The following CCSER1 variants were observed in gnomAD, a reference collection of about 807,000 sequenced individuals.
CCSER1 encodes the protein coiled-coil serine rich protein 1.
In CCSER1, 41 loss-of-function variants were observed where a neutral mutation model predicts 82.0. The ratio of observed to expected loss-of-function variants is 0.50; its 90% CI spans 0.39 to 0.65. The LOEUF is 0.65. Among genes scored for constraint, CCSER1 ranks in the 30% least tolerant of loss-of-function variants. The probability of loss-of-function intolerance (pLI) is 0.00; values close to 1 mark genes in which losing one functional copy is unlikely to be tolerated. For synonymous variants in CCSER1, 414 were observed against 383.9 expected, an observed-to-expected ratio of 1.08 and a Z score of -0.92; for missense variants, 1,119 against 1,064.2, an observed-to-expected ratio of 1.05 and a Z score of -0.72.
At chr4:90,998,360 G>T (rs28542589) in intron 9 of CCSER1, among the ~76,000 whole-genome samples, 3,412 of 152,168 alleles carry the variant, frequency 0.022, 111 homozygotes, top group African/African-American at 0.078. Flanking sequence ...GATTACAGGC[G>T]TGAGCCACTG....
intron 6 of CCSER1, among the ~76,000 whole-genome samples, chr4:90,721,271 A>T (rs951154348): frequency 1.3e-5 from 2 of 151,876 alleles, no homozygotes; most frequent in African/African-American, 2.4e-5. Flanking sequence ...TGAAAGAAGC[A>T]GTTTGTCTGT....
chr4:90,958,197 A>G (rs974013811), intron 9 of CCSER1, among the ~76,000 whole-genome samples: 3 of 152,206 alleles, frequency 2.0e-5, no homozygotes, highest in Non-Finnish European at 2.9e-5. Flanking sequence ...TCAGAAAACT[A>G]TGATCTTATA....
chr4:90,860,837 A>G (rs1277496605), intron 8 of CCSER1, among the ~76,000 whole-genome samples: 1 of 151,690 alleles, frequency 6.6e-6, no homozygotes, highest in African/African-American at 2.4e-5. Context: ...AAAGTAGATT[A>G]GTGCTTGTCA....
intron 10 of CCSER1, among the ~76,000 whole-genome samples, chr4:91,155,436 TG>T (rs1389783818): frequency 2.0e-5 from 3 of 151,902 alleles, no homozygotes; most frequent in Non-Finnish European, 2.9e-5. Flanking sequence ...AATTACCCAG[TG>T]TTGAGTATGT....
intron 7 of CCSER1, chr4:90,780,341 T>C: frequency 8.3e-7 from 1 of 1,209,502 alleles, no homozygotes. Flanking sequence ...AAATTATCTT[T>C]AAGAACATTT....
chr4:90,209,532 G>A (rs1739543350), intron 1 of CCSER1, among the ~76,000 whole-genome samples: 1 of 152,086 alleles, frequency 6.6e-6, no homozygotes, highest in Non-Finnish European at 1.5e-5. Context: ...TACCAGAGGG[G>A]CCCATGACCT....
chr4:91,037,668 A>G lies in CCSER1; in HGVS notation c.2173-48282A>G, dbSNP rs145304910. Among the ~76,000 whole-genome samples the G allele has an allele frequency of 3.1e-3, 468 of 152,192 alleles. 1 individual carries two copies. The highest frequency in any genetic ancestry group is 0.01 in the African/African-American group (436 of 41,536). On this transcript the variant is annotated intron_variant, in intron 9 of 10. Coordinates refer to ENST00000509176, the MANE Select transcript of CCSER1 (RefSeq NM_001145065.2). ...TTCTGTGATGTTTTTTGTATTTGCC[A>G]TAAAAATGAAAGAAAGATAACTCCA... is the stretch of plus-strand genomic sequence containing the variant.
chr4:90,304,783 A>T (rs1041736009), intron 1 of CCSER1, among the ~76,000 whole-genome samples: 1 of 152,170 alleles, frequency 6.6e-6, no homozygotes, highest in African/African-American at 2.4e-5. Flanking sequence ...ATGTACCCTA[A>T]AACTTAAAGT....
intron 1 of CCSER1, among the ~76,000 whole-genome samples, chr4:90,136,404 A>T (rs534196022): frequency 9.2e-5 from 14 of 152,314 alleles, no homozygotes; most frequent in African/African-American, 2.9e-4. Context: ...TACTACTCTA[A>T]TTCAGCCTTT....
chr4:90,882,389 G>A (rs1721463446), intron 8 of CCSER1, among the ~76,000 whole-genome samples: 2 of 151,892 alleles, frequency 1.3e-5, no homozygotes, highest in Admixed American at 6.6e-5. Context: ...TGGTTTGCAA[G>A]CAGAACATAG....
chr4:90,536,217 A>G (rs1201269742), intron 5 of CCSER1, among the ~76,000 whole-genome samples: 1 of 151,966 alleles, frequency 6.6e-6, no homozygotes, highest in Non-Finnish European at 1.5e-5. Flanking sequence ...TATTTTTAGT[A>G]GAGATGGGGT....
In CCSER1 at chr4:90,745,103, A is replaced by G. The variant is rs182597935; in HGVS notation, c.2010+21112A>G. Among the ~76,000 whole-genome samples the G allele has an allele frequency of 2.9e-3, 439 of 152,196 alleles. 1 individual carries two copies. The highest frequency in any genetic ancestry group is 9.8e-3 in the African/African-American group (406 of 41,526). ...CAACTCTGGAAGTCAGAAGTCAGCA[A>G]TGGGTCTCATGGAAAGAAAATCAAT... On this transcript the variant is annotated intron_variant, in intron 7 of 10. Coordinates refer to ENST00000509176, the MANE Select transcript of CCSER1 (RefSeq NM_001145065.2).
intron 10 of CCSER1, among the ~76,000 whole-genome samples, chr4:91,251,560 T>G (rs781437667): frequency 3.3e-5 from 5 of 152,190 alleles, no homozygotes; most frequent in Non-Finnish European, 7.3e-5. Flanking sequence ...GGCATATATA[T>G]ATATGTAAAA....
At chr4:91,438,150 G>A (rs577370319) in intron 10 of CCSER1, among the ~76,000 whole-genome samples, 102 of 152,310 alleles carry the variant, frequency 6.7e-4, no homozygotes, top group African/African-American at 2.1e-3. Context: ...GCACACAGCC[G>A]GAGATCTGAG....
At chr4:90,774,552 C>T (rs1309641107) in intron 7 of CCSER1, among the ~76,000 whole-genome samples, 1 of 152,052 alleles carries the variant, frequency 6.6e-6, no homozygotes, top group Admixed American at 6.6e-5. Flanking sequence ...CTGTATGCCA[C>T]AACAGTATTT....
chr4:91,410,538 TA>T (rs1205924790), intron 10 of CCSER1, among the ~76,000 whole-genome samples: 1 of 152,210 alleles, frequency 6.6e-6, no homozygotes. Context: ...CTGAAGAACC[TA>T]TTTTTACAAA....
chr4:90,815,906 G>A (rs17017644), intron 8 of CCSER1, 61 bp downstream of exon 8: 346,337 of 1,118,796 alleles, frequency 0.31, 56,384 homozygotes, highest in East Asian at 0.44. Flanking sequence ...TTTGTTCCAC[G>A]CCCTTATTTA....
chr4:91,428,579 T>C (rs1754122002), intron 10 of CCSER1, among the ~76,000 whole-genome samples: 1 of 152,040 alleles, frequency 6.6e-6, no homozygotes, highest in Non-Finnish European at 1.5e-5. Flanking sequence ...CAGTCCCAAC[T>C]TGATTTTCTT....
At chr4:90,707,775 G>A (rs1739682794) in intron 6 of CCSER1, among the ~76,000 whole-genome samples, 2 of 151,972 alleles carry the variant, frequency 1.3e-5, no homozygotes, top group African/African-American at 4.8e-5. Context: ...CAAATACAAG[G>A]AGGTAGGGAT....
Sources: gnomAD v4.1 joint callset for allele counts (sites outside exome capture counted in the v4.1 genomes callset) on GRCh38, gnomAD v4.1.1 for gene constraint, MANE v1.5 for transcripts, NCBI Gene and HGNC (gene_info 2026-07-23, HGNC 2026-07-21) for gene names.